C4orf51: variants seen among roughly 807,000 people sequenced by gnomAD.
C4orf51 encodes the protein uncharacterized protein C4orf51.
In C4orf51, 25 loss-of-function variants were observed where a neutral mutation model predicts 25.2. The observed-to-expected ratio is 0.99, with a 90% CI of 0.72 to 1.39. The LOEUF is 1.39. Among genes scored for constraint, C4orf51 ranks in the 40% most tolerant of loss-of-function variants. The pLI is 0.00. For missense variants in C4orf51, 252 were observed against 239.6 expected (o/e 1.05, Z -0.34); for synonymous variants, 100 against 84.5 (o/e 1.18, Z -1.01).
intron 2 of C4orf51, among the ~76,000 whole-genome samples, chr4:145,703,613 G>A (rs995913077): frequency 4.6e-5 from 7 of 152,098 alleles, no homozygotes; most frequent in African/African-American, 1.4e-4. Flanking sequence ...GTTTGATGTA[G>A]TTCCATTTGT....
intron 1 of C4orf51, among the ~76,000 whole-genome samples, chr4:145,689,002 A>G (rs941670661): frequency 6.6e-6 from 1 of 152,242 alleles, no homozygotes; most frequent in Non-Finnish European, 1.5e-5. Flanking sequence ...AAGAATAAAC[A>G]AAGACCAGTG....
intron 1 of C4orf51, among the ~76,000 whole-genome samples, chr4:145,685,493 A>G (rs1729096474): frequency 6.6e-6 from 1 of 152,066 alleles, no homozygotes; most frequent in Non-Finnish European, 1.5e-5. Flanking sequence ...AGGGCTCACA[A>G]CTCTAAGGGG....
At chr4:145,691,071 C>T (rs1182261685) in intron 1 of C4orf51, among the ~76,000 whole-genome samples, 3 of 152,086 alleles carry the variant, frequency 2.0e-5, no homozygotes, top group African/African-American at 7.2e-5. Context: ...TATGATCATG[C>T]CACTGCACTC....
At position 145,765,622 on chromosome 4, in the gene C4orf51, C is replaced by A; in HGVS notation, n.167-5366C>A. 7.4e-6 allele frequency: 12 copies of A among 1,614,098 alleles called. No individual in the cohort carries two copies. The highest frequency in any genetic ancestry group is 9.3e-6 in the Non-Finnish European group (11 of 1,180,018). ...ACAGAGATGACCAGCAGATTGTTCC[C>A]GCCCTTGTTTTTCTGGGAGCCATCT... On this transcript the variant is annotated intron_variant and non_coding_transcript_variant, in intron 1 of 1. Coordinates refer to the C4orf51 transcript ENST00000510096. This position sits in a 1 kb window ranked among gnomAD's most constrained non-coding sequence, Gnocchi z 4.7.
chr4:145,773,542 T>G (rs1361204138), downstream of C4orf51, among the ~76,000 whole-genome samples: 1 of 152,244 alleles, frequency 6.6e-6, no homozygotes, highest in African/African-American at 2.4e-5. Flanking sequence ...TCTTAATTTG[T>G]AAGCCCCGCA....
the C4orf51 span, among the ~76,000 whole-genome samples, chr4:145,788,578 T>C: frequency 1.3e-5 from 2 of 152,248 alleles, no homozygotes; most frequent in Admixed American, 6.5e-5. Flanking sequence ...TAAAACCTTA[T>C]TGAATAAATG....
chr4:145,737,537 G>C (rs1732871225), downstream of C4orf51, among the ~76,000 whole-genome samples: 2 of 152,096 alleles, frequency 1.3e-5, no homozygotes, highest in South Asian at 4.1e-4. Context: ...ATCTTTGGTA[G>C]ATTTTCTTTT....
At chr4:145,735,668 A>G (rs1159917292), downstream of C4orf51, among the ~76,000 whole-genome samples, 1 of 152,244 alleles carries the variant, frequency 6.6e-6, no homozygotes, top group Non-Finnish European at 1.5e-5. Flanking sequence ...GTCTTCGTGC[A>G]GCAGCCCTAT....
rs1355200318 is a variant in C4orf51 at position 145,680,240 on chromosome 4, C to T, written c.37C>T (p.Leu13=). The change falls in exon 1 of 6, where the codon CTG becomes TTG. Residue 13 remains leucine (L), a synonymous_variant. Transcript: ENST00000438731. ...CTTCTACTTGACTCCACAAATTCTT[C>T]TGCCCTTTAGCCCTCTTACTTCTCA... The part of the protein sequence containing the change: ...HYFYLTPQIL[L]PFSPLTSQEF... 3.7e-6 allele frequency: 6 copies of T among 1,613,954 alleles called. No individual in the cohort carries two copies. Among genetic ancestry groups the T allele is most frequent in the Admixed American group, 3.3e-5 (2 of 60,024 alleles).
At chr4:145,746,480 C>T (rs1034634429) in intron 1 of C4orf51, among the ~76,000 whole-genome samples, 2 of 152,084 alleles carry the variant, frequency 1.3e-5, no homozygotes, top group Non-Finnish European at 2.9e-5. Flanking sequence ...CATCTTTCCC[C>T]CCAAGGTATG....
At chr4:145,779,632 G>A in the C4orf51 span, 3 of 1,328,552 alleles carry the variant, frequency 2.3e-6, no homozygotes, top group Non-Finnish European at 2.1e-6. Context: ...AATTGCAAAT[G>A]AGTCTCCGTA....
At chr4:145,783,899 G>C in the C4orf51 span, among the ~76,000 whole-genome samples, 2 of 152,170 alleles carry the variant, frequency 1.3e-5, no homozygotes, top group Non-Finnish European at 2.9e-5. Context: ...TATTGGAGGT[G>C]GGGCCTTGTG....
intron 5 of C4orf51, among the ~76,000 whole-genome samples, chr4:145,731,926 G>A (rs567973784): frequency 4.7e-4 from 72 of 152,218 alleles, no homozygotes; most frequent in Middle Eastern, 6.8e-3. Flanking sequence ...ATAGTTTGGA[G>A]GAGAACAAGC....
At chr4:145,693,844 A>AC (rs1435778384) in intron 1 of C4orf51, among the ~76,000 whole-genome samples, 2 of 43,448 alleles carry the variant, frequency 4.6e-5, no homozygotes, top group African/African-American at 2.4e-4. Flanking sequence ...GGGGGGGCTG[A>AC]CCCCCCCCAC....
the C4orf51 span, among the ~76,000 whole-genome samples, chr4:145,780,021 T>C: frequency 2.0e-5 from 3 of 152,166 alleles, no homozygotes; most frequent in Non-Finnish European, 2.9e-5. Context: ...TGAAACCTTG[T>C]ATCTACTAAA....
At chr4:145,747,674 T>TTCCC (rs1244832265) in intron 1 of C4orf51, among the ~76,000 whole-genome samples, 12 of 147,606 alleles carry the variant, frequency 8.1e-5, no homozygotes, top group South Asian at 4.6e-4. Context: ...CCCCGCTTCT[T>TTCCC]TCCCTCCCTC....
chr4:145,705,118 T>C (rs1730716391), intron 2 of C4orf51, among the ~76,000 whole-genome samples: 2 of 152,220 alleles, frequency 1.3e-5, no homozygotes, highest in Admixed American at 6.5e-5. Flanking sequence ...GTTGTATACA[T>C]GCTCATTTGA....
chr4:145,760,743 T>G, intron 1 of C4orf51: 1 of 1,030,698 alleles, frequency 9.7e-7, no homozygotes, highest in Non-Finnish European at 1.2e-6. Flanking sequence ...TTTTTGTCTT[T>G]TGTCTCTCTG....
At chr4:145,784,230 G>A in the C4orf51 span, among the ~76,000 whole-genome samples, 14 of 152,322 alleles carry the variant, frequency 9.2e-5, no homozygotes, top group African/African-American at 3.4e-4. Context: ...TAGCACTGCA[G>A]GAACTGAGTA....
Sources: gnomAD v4.1 joint callset for allele counts (sites outside exome capture counted in the v4.1 genomes callset) on GRCh38, gnomAD v4.1.1 for gene constraint, Gnocchi (gnomAD v3.1) non-coding constraint, MANE v1.5 for transcripts, NCBI Gene and HGNC (gene_info 2026-07-23, HGNC 2026-07-21) for gene names.